CMIP: variants seen among roughly 807,000 people sequenced by gnomAD.
CMIP encodes the protein C-Maf-inducing protein.
Under a neutral mutation model 97.3 loss-of-function variants are expected in CMIP, and 13 were observed. The observed-to-expected ratio is 0.13, with a 90% CI of 0.09 to 0.21. The LOEUF is 0.21. CMIP is among the 10% of genes least tolerant of loss of function. The probability of loss-of-function intolerance (pLI) is 1.00; values close to 1 mark genes in which losing one functional copy is unlikely to be tolerated. For missense variants in CMIP, 847 were observed against 1,024.9 expected, an observed-to-expected ratio of 0.83 and a Z score of 2.37; for synonymous variants, 538 against 436.3, an observed-to-expected ratio of 1.23 and a Z score of -2.91.
chr16:81,460,503 G>GAA (rs1906838136), intron 1 of CMIP, among the ~76,000 whole-genome samples: 1 of 152,198 alleles, frequency 6.6e-6, no homozygotes, highest in Non-Finnish European at 1.5e-5. Context: ...TTTTTGCAGT[G>GAA]AAAGTCCTGT....
intron 1 of CMIP, among the ~76,000 whole-genome samples, chr16:81,530,807 C>T (rs1174207224): frequency 6.6e-6 from 1 of 152,110 alleles, no homozygotes; most frequent in Non-Finnish European, 1.5e-5. Flanking sequence ...AGGCACGTAC[C>T]CTCTTTTACA....
At chr16:81,481,424 C>G (rs1168808130) in intron 1 of CMIP, among the ~76,000 whole-genome samples, 3 of 152,188 alleles carry the variant, frequency 2.0e-5, no homozygotes, top group African/African-American at 7.2e-5. Flanking sequence ...CGTTACACAG[C>G]TTGTGAGAAG....
At chr16:81,566,786 G>A (rs983883413) in intron 1 of CMIP, among the ~76,000 whole-genome samples, 1 of 152,184 alleles carries the variant, frequency 6.6e-6, no homozygotes. Context: ...TAAACCAATT[G>A]TGGCATAGTT....
intron 1 of CMIP, among the ~76,000 whole-genome samples, chr16:81,521,938 G>T (rs925179723): frequency 6.6e-6 from 1 of 152,202 alleles, no homozygotes; most frequent in Non-Finnish European, 1.5e-5. Flanking sequence ...ACAGTGAAAT[G>T]CAGGGTACAG....
At position 81,703,935 on chromosome 16, in the gene CMIP, G is replaced by A. The variant is rs375809029; in HGVS notation, c.1945-4G>A. On this transcript the variant is annotated splice_polypyrimidine_tract_variant and splice_region_variant and intron_variant, in intron 17 of 20. Coordinates refer to ENST00000537098, the MANE Select transcript of CMIP (RefSeq NM_198390.3). ...CCTCAGGCCTCTCCCCCGTCTGCCC[G>A]CAGGACGCTGACTTGGCTCGTTTGC... is the stretch of plus-strand genomic sequence containing the variant. 6.5e-5 allele frequency: 104 copies of A among 1,591,566 alleles called. No homozygotes were observed. Among genetic ancestry groups the A allele is most frequent in the African/African-American group, 2.2e-4 (16 of 74,354 alleles).
At chr16:81,524,290 G>A (rs1016364528) in intron 1 of CMIP, among the ~76,000 whole-genome samples, 4 of 152,214 alleles carry the variant, frequency 2.6e-5, no homozygotes, top group Admixed American at 6.5e-5. Context: ...GGGGTAACAT[G>A]GCACATGAAA....
At chr16:81,698,445 G>A (rs1340560482) in intron 14 of CMIP, among the ~76,000 whole-genome samples, 3 of 152,184 alleles carry the variant, frequency 2.0e-5, no homozygotes, top group Admixed American at 6.5e-5. Flanking sequence ...AGCTCACAGC[G>A]GGCTTGGCAG....
At chr16:81,487,349 C>T (rs553894642) in intron 1 of CMIP, among the ~76,000 whole-genome samples, 84 of 152,326 alleles carry the variant, frequency 5.5e-4, no homozygotes, top group Non-Finnish European at 7.4e-4. Flanking sequence ...CTGAGGAACC[C>T]GCTTCAAACC....
At chr16:81,628,307 C>A (rs2092102828) in intron 3 of CMIP, among the ~76,000 whole-genome samples, 1 of 152,316 alleles carries the variant, frequency 6.6e-6, no homozygotes, top group Non-Finnish European at 1.5e-5. Context: ...CTGCAAATCC[C>A]TTCCCAAGCT....
At chr16:81,464,627 A>G (rs569581434) in intron 1 of CMIP, 2 of 152,336 alleles carry the variant, frequency 1.3e-5, no homozygotes, top group East Asian at 3.8e-4. Context: ...TTGTAAGTGT[A>G]CAATTCAGTG....
At chr16:81,464,164 A>T (rs1485889787) in intron 1 of CMIP, 2 of 152,364 alleles carry the variant, frequency 1.3e-5, no homozygotes, top group African/African-American at 4.8e-5. Context: ...CTTTGTCATT[A>T]GTCTCCGCAT....
chr16:81,581,710 G>A (rs1011114659), intron 1 of CMIP, among the ~76,000 whole-genome samples: 5 of 152,124 alleles, frequency 3.3e-5, no homozygotes, highest in African/African-American at 1.2e-4. Context: ...ATAACACCCT[G>A]AGGTTGCTAC....
chr16:81,613,873 A>AATTC (rs1398488224), intron 2 of CMIP, among the ~76,000 whole-genome samples: 2 of 152,116 alleles, frequency 1.3e-5, no homozygotes, highest in African/African-American at 4.8e-5. Flanking sequence ...CCATCTATCC[A>AATTC]ATTCATTCAT....
intron 1 of CMIP, among the ~76,000 whole-genome samples, chr16:81,576,556 C>T (rs908596148): frequency 1.3e-5 from 2 of 152,088 alleles, no homozygotes; most frequent in Non-Finnish European, 2.9e-5. Flanking sequence ...ATGAGGAGAT[C>T]AAGGCACAGA....
At chr16:81,696,446 G>T (rs1473455033) in intron 13 of CMIP, 114 bp from the exon 14 acceptor site, 1 of 1,030,010 alleles carries the variant, frequency 9.7e-7, no homozygotes, top group South Asian at 1.4e-5. Context: ...AGTTAAGCGG[G>T]TTTCTTGACT....
chr16:81,703,933 C>G lies in CMIP; in HGVS notation c.1945-6C>G. Reference sequence around the variant, plus strand: ...ACCCTCAGGCCTCTCCCCCGTCTGCCCGCAGGACGCTGACTTGGCTCGTTT... The same window carrying G: ...ACCCTCAGGCCTCTCCCCCGTCTGCGCGCAGGACGCTGACTTGGCTCGTTT... On this transcript the variant is annotated splice_polypyrimidine_tract_variant and splice_region_variant and intron_variant, in intron 17 of 20. Transcript: ENST00000537098. The G allele has an allele frequency of 6.3e-7, 1 of 1,591,850 alleles. No homozygotes were observed. The highest frequency in any genetic ancestry group is 8.5e-7 in the Non-Finnish European group (1 of 1,171,900).
At chr16:81,667,334 G>T (rs1048456146) in intron 7 of CMIP, 5 of 152,234 alleles carry the variant, frequency 3.3e-5, no homozygotes, top group Admixed American at 2.0e-4. Context: ...TCGCCAAACT[G>T]CGTTCTGAAG....
Position 81,707,414 on chromosome 16 carries a change from G to T in CMIP, c.2268+330G>T, listed in dbSNP as rs186069847. ...CAAGGTCCTGAGACAGAAGAGATGG[G>T]CGAGGCCTGGCTTTGCAGCAAATGT... is the stretch of plus-strand genomic sequence containing the variant. On this transcript the variant is annotated intron_variant, in intron 20 of 20. Transcript: ENST00000537098. 7.2e-5 allele frequency among the ~76,000 whole-genome samples: 11 copies of T among 152,346 alleles called. No individual in the cohort carries two copies. In the East Asian group the frequency reaches 2.1e-3, roughly 29 times the overall value.
intron 1 of CMIP, among the ~76,000 whole-genome samples, chr16:81,599,976 T>C (rs1229196803): frequency 1.3e-5 from 2 of 151,990 alleles, no homozygotes; most frequent in African/African-American, 4.8e-5. Context: ...TCCTTCCTTC[T>C]GTCATCATTA....
Sources: allele counts gnomAD v4.1 joint callset (sites outside exome capture counted in the v4.1 genomes callset), GRCh38; gene constraint gnomAD v4.1.1; transcripts MANE v1.5; gene names NCBI Gene and HGNC (gene_info 2026-07-23, HGNC 2026-07-21).